THEMIS: variants seen among roughly 807,000 people sequenced by gnomAD.
THEMIS encodes the protein protein THEMIS.
Under a neutral mutation model 52.6 loss-of-function variants are expected in THEMIS, and 37 were observed. The ratio of observed to expected loss-of-function variants is 0.70; its 90% confidence interval spans 0.54 to 0.93. THEMIS has a LOEUF of 0.93. THEMIS is among the 40% of genes least tolerant of loss of function. THEMIS has a pLI of 0.00. For missense variants in THEMIS, 808 were observed against 763.1 expected (o/e 1.06, Z -0.69); for synonymous variants, 292 against 272.7 (o/e 1.07, Z -0.70).
At chr6:127,722,629 T>C (rs1197251354) in intron 4 of THEMIS, among the ~76,000 whole-genome samples, 3 of 152,030 alleles carry the variant, frequency 2.0e-5, no homozygotes, top group African/African-American at 7.2e-5. Flanking sequence ...CTGTGAATGA[T>C]ACTGCCTGCT....
chr6:127,766,913 A>G (rs1046196991), intron 4 of THEMIS, among the ~76,000 whole-genome samples: 2 of 152,164 alleles, frequency 1.3e-5, no homozygotes, highest in Non-Finnish European at 2.9e-5. Context: ...TAGGCTTTAT[A>G]AACACTGTAA....
At chr6:127,810,221 C>T (rs907283824) in intron 4 of THEMIS, among the ~76,000 whole-genome samples, 4 of 151,638 alleles carry the variant, frequency 2.6e-5, no homozygotes, top group African/African-American at 4.8e-5. Context: ...CCTATGAGTG[C>T]TTTCTTTCTG....
At chr6:127,861,783 C>CAAAAAAAAAAAA (rs1225783673) in intron 1 of THEMIS, among the ~76,000 whole-genome samples, 4 of 95,700 alleles carry the variant, frequency 4.2e-5, no homozygotes, top group Admixed American at 1.1e-4. Flanking sequence ...GACTCCATCT[C>CAAAAAAAAAAAA]AAAAAAAAAA....
chr6:127,699,306 T>A, the THEMIS span, among the ~76,000 whole-genome samples: 87 of 151,844 alleles, frequency 5.7e-4, no homozygotes, highest in Middle Eastern at 3.4e-3. Context: ...GTGTGTGGTT[T>A]CTATGTTTGT....
intron 4 of THEMIS, among the ~76,000 whole-genome samples, chr6:127,730,318 G>GAAAAAAGAA (rs1774735923): frequency 8.6e-6 from 1 of 116,958 alleles, no homozygotes; most frequent in Non-Finnish European, 1.7e-5. Flanking sequence ...AAAGAAAAGA[G>GAAAAAAGAA]AAAAAAAGAA....
chr6:127,703,035 G>GGTTTT, the THEMIS span, among the ~76,000 whole-genome samples: 173 of 82,376 alleles, frequency 2.1e-3, 18 homozygotes, highest in South Asian at 2.8e-3. Context: ...TTTAGAATGA[G>GGTTTT]TTTTTTTTTT....
At chr6:127,767,327 A>C (rs1301525490) in intron 4 of THEMIS, among the ~76,000 whole-genome samples, 1 of 152,140 alleles carries the variant, frequency 6.6e-6, no homozygotes, top group Non-Finnish European at 1.5e-5. Context: ...CCTGACCTCA[A>C]GTGATCTGCC....
At chr6:127,749,340 A>G (rs1361155957) in intron 4 of THEMIS, among the ~76,000 whole-genome samples, 1 of 152,090 alleles carries the variant, frequency 6.6e-6, no homozygotes, top group East Asian at 1.9e-4. Context: ...CTCAATATTT[A>G]TTAAAACCAC....
intron 4 of THEMIS, among the ~76,000 whole-genome samples, chr6:127,748,374 C>T (rs191853062): frequency 7.9e-5 from 12 of 152,032 alleles, no homozygotes; most frequent in Admixed American, 3.3e-4. Flanking sequence ...GAAGTGGGCA[C>T]GTGTGAAAAG....
intron 1 of THEMIS, among the ~76,000 whole-genome samples, chr6:127,897,512 A>G (rs749496124): frequency 6.6e-6 from 1 of 151,544 alleles, no homozygotes; most frequent in Non-Finnish European, 1.5e-5. Context: ...AAAAAAGAGT[A>G]TTTCCAAAAA....
At chr6:127,739,046 C>T (rs1230970891) in intron 4 of THEMIS, among the ~76,000 whole-genome samples, 1 of 152,158 alleles carries the variant, frequency 6.6e-6, no homozygotes, top group African/African-American at 2.4e-5. Context: ...GCCCTGTCTT[C>T]ATCTTCACAT....
At chr6:127,852,286 T>C (rs1779454630) in intron 2 of THEMIS, among the ~76,000 whole-genome samples, 1 of 151,494 alleles carries the variant, frequency 6.6e-6, no homozygotes, top group South Asian at 2.1e-4. Context: ...AATTCAACAA[T>C]AGTAGCTGGA....
chr6:127,813,474 A>G lies in THEMIS; in HGVS notation c.1167T>C (p.Phe389=). The G allele has an allele frequency of 6.2e-7, 1 of 1,613,994 alleles. No homozygotes were observed. The highest frequency in any genetic ancestry group is 1.3e-5 in the African/African-American group (1 of 74,992). The change falls in exon 4 of 6, where the codon TTT becomes TTC. Residue 389 remains phenylalanine (F), a synonymous_variant. Transcript: ENST00000368248. ...CAGTCGTCTCTGACTGATGCACCAGAAACTGGTCCCCAACAGATACGGATG... is the reference window on the plus strand; with the variant it reads ...CAGTCGTCTCTGACTGATGCACCAGGAACTGGTCCCCAACAGATACGGATG... ...KLSSVSVGDQ[F]LVHQSETTEV...
intron 4 of THEMIS, among the ~76,000 whole-genome samples, chr6:127,760,460 T>C (rs1288598571): frequency 1.3e-5 from 2 of 152,178 alleles, no homozygotes; most frequent in Admixed American, 1.3e-4. Flanking sequence ...AATCTGTATT[T>C]CATTTTGGGT....
chr6:127,900,808 G>C (rs376641354), intron 1 of THEMIS, 34 bp downstream of exon 1: 1 of 1,568,796 alleles, frequency 6.4e-7, no homozygotes, highest in Admixed American at 1.7e-5. Context: ...TTACAAGAAT[G>C]TTCTAGCCAG....
chr6:127,799,946 G>A (rs547785817), intron 4 of THEMIS, among the ~76,000 whole-genome samples: 10 of 152,140 alleles, frequency 6.6e-5, no homozygotes, highest in African/African-American at 2.4e-4. Flanking sequence ...ATTTTTATTA[G>A]GGGAAAAAAG....
At position 127,719,835 on chromosome 6, in the gene THEMIS, C is replaced by T. The variant is rs1209889498; in HGVS notation, c.1759-12G>A. On this transcript the variant is annotated splice_polypyrimidine_tract_variant and intron_variant, in intron 4 of 5. Coordinates refer to ENST00000368248, the MANE Select transcript of THEMIS (RefSeq NM_001010923.3). ...TCTACGTGATGACGCTGAAATGACA[C>T]AGGTCACAAGTAAATTATCAGTCCA... 3.7e-6 allele frequency: 6 copies of T among 1,610,226 alleles called. No homozygotes were observed. The highest frequency in any genetic ancestry group is 3.3e-4 in the Middle Eastern group (2 of 6,042).
intron 1 of THEMIS, 118 bp downstream of exon 1, chr6:127,900,724 A>T (rs770845237): frequency 1.2e-6 from 1 of 857,930 alleles, no homozygotes; most frequent in Non-Finnish European, 1.9e-6. Context: ...TTCTTTTGTG[A>T]TCGCCTTTCC....
At chr6:127,856,969 A>T (rs1489322058) in intron 1 of THEMIS, among the ~76,000 whole-genome samples, 1 of 151,572 alleles carries the variant, frequency 6.6e-6, no homozygotes, top group Admixed American at 6.6e-5. Context: ...AGTTTTTATG[A>T]CTCCCAATTC....
Sources: allele counts gnomAD v4.1 joint callset (sites outside exome capture counted in the v4.1 genomes callset), GRCh38; gene constraint gnomAD v4.1.1; transcripts MANE v1.5; gene names NCBI Gene and HGNC (gene_info 2026-07-23, HGNC 2026-07-21).